ZNF227: variants seen among roughly 807,000 people sequenced by gnomAD.
ZNF227 encodes the protein zinc finger protein 227.
A neutral mutation model predicts 13.2 loss-of-function variants in ZNF227; 12 were observed. That is an observed-to-expected ratio of 0.91 (90% CI 0.58 to 1.47). The LOEUF (loss-of-function observed/expected upper bound fraction) is 1.47. Among genes scored for constraint, ZNF227 ranks in the 40% most tolerant of loss-of-function variants. ZNF227 has a pLI of 0.00. For synonymous variants in ZNF227, 338 were observed against 326.0 expected (o/e 1.04, Z -0.40); for missense variants, 885 against 967.5 (o/e 0.91, Z 1.13).
At position 44,235,051 on chromosome 19, in the gene ZNF227, C is replaced by CATGAAG; in HGVS notation, c.623_628dup (p.Met208_Lys209dup). 1 of 1,613,948 alleles carries CATGAAG rather than the reference C, an allele frequency of 6.2e-7. No homozygotes were observed. On this transcript the variant is annotated inframe_insertion, in exon 6 of 6. Transcript: ENST00000313040. ...ATAACCTGCAAATACATGAAGACTTCATGAAGAAATCACCATTTCATGAGC... is the reference window on the plus strand; with the variant it reads ...ATAACCTGCAAATACATGAAGACTTCATGAAGATGAAGAAATCACCATTTCATGAGC...
upstream of ZNF227, among the ~76,000 whole-genome samples, chr19:44,208,171 CA>C (rs1971255350): frequency 6.6e-6 from 1 of 152,158 alleles, no homozygotes; most frequent in Admixed American, 6.5e-5. Flanking sequence ...TACAGTCAAG[CA>C]GTTTTAAACT....
At position 44,235,952 on chromosome 19, in the gene ZNF227, C is replaced by T; in HGVS notation, c.1522C>T (p.Gln508Ter). 8.1e-6 allele frequency: 13 copies of T among 1,613,990 alleles called. No individual in the cohort carries two copies. Among genetic ancestry groups the T allele is most frequent in the East Asian group, 2.2e-5 (1 of 44,862 alleles). ...GGGCTTCAGTCAGGCTTCAAATCTTCAAGTCCATCAGAATGTCCACACTGG... is the reference window on the plus strand; with the variant it reads ...GGGCTTCAGTCAGGCTTCAAATCTTTAAGTCCATCAGAATGTCCACACTGG... ...GKGFSQASNLQVHQNVHTGEK... is the reference protein window; with the variant it reads ...GKGFSQASNL The change falls in exon 6 of 6, where the codon CAA becomes TAA. Residue 508 changes from glutamine (Q) to a stop codon, truncating the protein, a stop_gained. Coordinates refer to ENST00000313040, the MANE Select transcript of ZNF227 (RefSeq NM_182490.3). LOFTEE classifies it low-confidence loss of function (END_TRUNC).
chr19:44,211,055 G>A (rs946038819), upstream of ZNF227, among the ~76,000 whole-genome samples: 13 of 151,994 alleles, frequency 8.6e-5, no homozygotes, highest in African/African-American at 2.7e-4. Context: ...TTAGCTGGGC[G>A]TGGTGGGGAG....
intron 3 of ZNF227, among the ~76,000 whole-genome samples, chr19:44,221,832 TTGCCCA>T (rs2122749666): frequency 6.6e-6 from 1 of 152,324 alleles, no homozygotes; most frequent in Non-Finnish European, 1.5e-5. Context: ...CATGAAGTCC[TTGCCCA>T]TGCCTATGTC....
Position 44,235,653 on chromosome 19 carries a change from A to G in ZNF227, c.1223A>G (p.Tyr408Cys), listed in dbSNP as rs1461066286. The G allele has an allele frequency of 3.7e-5, 59 of 1,613,966 alleles. No homozygotes were observed. The East Asian group carries it at 1.2e-3, about 32-fold the overall frequency. Residue 408 changes from tyrosine (Y) to cysteine (C), a missense_variant, in exon 6 of 6, where the codon TAT becomes TGT. Transcript: ENST00000313040. Reference sequence around the variant, plus strand: ...AGGGTCCACAGGGGTGAGAAGCCCTATAAATGTGAGGAATGTGGTAAGGGC... The same window carrying G: ...AGGGTCCACAGGGGTGAGAAGCCCTGTAAATGTGAGGAATGTGGTAAGGGC... ...HQRVHRGEKP[Y>C]KCEECGKGFT... is the part of the protein sequence containing the mutation.
chr19:44,210,094 G>T (rs1971304284), upstream of ZNF227, among the ~76,000 whole-genome samples: 1 of 152,132 alleles, frequency 6.6e-6, no homozygotes, highest in South Asian at 2.1e-4. Flanking sequence ...TCCCAAAATG[G>T]ATTTAGGAAA....
chr19:44,220,204 A>T (rs1972338542), intron 3 of ZNF227, among the ~76,000 whole-genome samples: 1 of 152,120 alleles, frequency 6.6e-6, no homozygotes, highest in Non-Finnish European at 1.5e-5. Flanking sequence ...GTTGGTTCCA[A>T]GTCTTTGCTA....
rs1434643916 is a variant in ZNF227 at position 44,237,136 on chromosome 19, G to A, written c.*306G>A. 8.4e-6 allele frequency: 2 copies of A among 238,598 alleles called. No homozygotes were observed. Among genetic ancestry groups the A allele is most frequent in the Admixed American group, 5.2e-5 (1 of 19,164 alleles). 14.8% of individuals were successfully genotyped at this position (238,598 alleles called of 1,614,324 possible). A position where few individuals can be genotyped will look rare whatever the true frequency, so the allele number is the denominator to read the frequency against. ...AAGGATATTTGCCATATGCTAACTG[G>A]TTTTTTGGCCAGGGAGAGTTTTGGG... On this transcript the variant is annotated 3_prime_UTR_variant, in exon 6 of 6. Coordinates refer to ENST00000313040, the MANE Select transcript of ZNF227 (RefSeq NM_182490.3).
intron 4 of ZNF227, 37 bp downstream of exon 4, chr19:44,228,609 C>T (rs776565743): frequency 7.0e-6 from 11 of 1,568,072 alleles, no homozygotes; most frequent in Non-Finnish European, 8.6e-6. Context: ...AACTTCAGTT[C>T]CCTTGAGAAT....
chr19:44,217,599 G>A lies in ZNF227; in HGVS notation c.-2-192G>A, dbSNP rs746311059. 6.7e-6 allele frequency: 5 copies of A among 746,368 alleles called. No homozygotes were observed. The East Asian group carries it at 1.3e-4, about 19-fold the overall frequency. The allele number at this position is 746,368 out of a possible 1,614,324, so 46.2% of individuals were successfully genotyped here. On this transcript the variant is annotated intron_variant, in intron 2 of 5. Coordinates refer to ENST00000313040, the MANE Select transcript of ZNF227 (RefSeq NM_182490.3). ...TCCTTGTAGCAAGGATGCTGCACTT[G>A]TGCAGACTGTTCACTGCCCAATGGC...
In ZNF227 at chr19:44,234,895, C is replaced by T. The variant is rs760564818; in HGVS notation, c.465C>T (p.Asn155=). The T allele has an allele frequency of 8.7e-6, 14 of 1,612,888 alleles. No homozygotes were observed. The South Asian group carries it at 9.9e-5, about 11-fold the overall frequency. The change falls in exon 6 of 6, where the codon AAC becomes AAT. Residue 155 remains asparagine (N), a synonymous_variant. Coordinates refer to ENST00000313040, the MANE Select transcript of ZNF227 (RefSeq NM_182490.3). ...QVSENENNIM[N]PKGDSSIYIE... Reference sequence around the variant, plus strand: ...CTGAAAATGAGAACAATATAATGAACCCTAAAGGAGATAGCTCTATTTATA... The same window carrying T: ...CTGAAAATGAGAACAATATAATGAATCCTAAAGGAGATAGCTCTATTTATA...
chr19:44,215,076 C>G (rs1431926269), intron 2 of ZNF227, among the ~76,000 whole-genome samples: 1 of 152,102 alleles, frequency 6.6e-6, no homozygotes, highest in Non-Finnish European at 1.5e-5. Flanking sequence ...CCCCCGCCCC[C>G]ATCCGTGGAA....
Position 44,226,717 on chromosome 19 carries a change from T to C in ZNF227, c.61-1729T>C, listed in dbSNP as rs112017421. Among the ~76,000 whole-genome samples, 9 of 152,338 alleles carry C rather than the reference T, an allele frequency of 5.9e-5. 1 individual carries two copies. Among genetic ancestry groups the C allele is most frequent in the African/African-American group, 2.2e-4 (9 of 41,586 alleles). Reference sequence around the variant, plus strand: ...TAGGAAAGGGAACTCCTTGACCCCTTGTGCTTCCCAAGTGAGGCAATGCCT... The same window carrying C: ...TAGGAAAGGGAACTCCTTGACCCCTCGTGCTTCCCAAGTGAGGCAATGCCT... On this transcript the variant is annotated intron_variant, in intron 3 of 5. Transcript: ENST00000313040.
At chr19:44,226,600 G>A (rs1034280410) in intron 3 of ZNF227, among the ~76,000 whole-genome samples, 1 of 152,226 alleles carries the variant, frequency 6.6e-6, no homozygotes, top group Non-Finnish European at 1.5e-5. Flanking sequence ...TAATCTCCTG[G>A]TGTGCCGTTT....
intron 5 of ZNF227, 27 bp from the exon 6 acceptor site, chr19:44,234,675 A>G: frequency 6.5e-7 from 1 of 1,543,506 alleles, no homozygotes; most frequent in Non-Finnish European, 8.7e-7. Context: ...CTCATCTCTA[A>G]ATATTGCCTT....
intron 3 of ZNF227, among the ~76,000 whole-genome samples, chr19:44,220,846 C>G (rs1972421028): frequency 6.8e-6 from 1 of 147,844 alleles, no homozygotes; most frequent in Non-Finnish European, 1.5e-5. Context: ...GTGTGATGTT[C>G]CCCTTCCTGT....
chr19:44,233,895 T>A (rs539684397), intron 5 of ZNF227, among the ~76,000 whole-genome samples: 76 of 151,282 alleles, frequency 5.0e-4, no homozygotes, highest in African/African-American at 1.7e-3. Flanking sequence ...ACGCTGTTTT[T>A]TAAAAAAAAA....
chr19:44,229,723 A>G lies in ZNF227; in HGVS notation c.188-10A>G. Reference sequence around the variant, plus strand: ...TCATCTTAAATACATAAAAATCTACATTTTCATAGGGCATCTTCCCTTCCA... The same window carrying G: ...TCATCTTAAATACATAAAAATCTACGTTTTCATAGGGCATCTTCCCTTCCA... On this transcript the variant is annotated splice_polypyrimidine_tract_variant and intron_variant, in intron 4 of 5. Transcript: ENST00000313040. 6.4e-7 allele frequency: 1 copy of G among 1,551,976 alleles called. No individual in the cohort carries two copies. Among genetic ancestry groups the G allele is most frequent in the South Asian group, 1.2e-5 (1 of 82,060 alleles).
rs1404601833 is a variant in ZNF227, at chr19:44,237,195, C to T, written c.*365C>T. ...CCTTTTCTTTAATTTTCATTTTATA[C>T]TTACAGTGATCATTATTTTCATAAA... On this transcript the variant is annotated 3_prime_UTR_variant, in exon 6 of 6. Coordinates refer to ENST00000313040, the MANE Select transcript of ZNF227 (RefSeq NM_182490.3). 1 of 176,286 alleles carries T rather than the reference C, an allele frequency of 5.7e-6. No homozygotes were observed. The highest frequency in any genetic ancestry group is 1.2e-5 in the Non-Finnish European group (1 of 83,854). The allele number at this position is 176,286 out of a possible 1,614,324, so 10.9% of individuals were successfully genotyped here.
Sources: allele counts gnomAD v4.1 joint callset (sites outside exome capture counted in the v4.1 genomes callset), GRCh38; gene constraint gnomAD v4.1.1; transcripts MANE v1.5; gene names NCBI Gene and HGNC (gene_info 2026-07-23, HGNC 2026-07-21).